ZNF618: variants seen among roughly 807,000 people sequenced by gnomAD.
ZNF618 encodes neural precursor cell expressed, developmentally down-regulated 10.
ZNF618 carries 34 observed loss-of-function variants against 103.0 expected under a neutral mutation model. The ratio of observed to expected loss-of-function variants is 0.33; its 90% CI spans 0.25 to 0.44. The LOEUF (loss-of-function observed/expected upper bound fraction) is 0.44, where lower values mean the gene tolerates loss of function less well. Among genes scored for constraint, ZNF618 ranks in the 20% least tolerant of loss-of-function variants. The pLI, the probability that ZNF618 is intolerant of heterozygous loss-of-function variation, is 1.00. For synonymous variants in ZNF618, 551 were observed against 542.2 expected (o/e 1.02, Z -0.23); for missense variants, 1,059 against 1,295.4 (o/e 0.82, Z 2.80).
chr9:114,032,440 C>A (rs1438142041), intron 11 of ZNF618, among the ~76,000 whole-genome samples: 1 of 151,956 alleles, frequency 6.6e-6, no homozygotes. Flanking sequence ...GCCTCCTGGG[C>A]CCTGCCAGGA....
intron 1 of ZNF618, among the ~76,000 whole-genome samples, chr9:113,955,502 G>A (rs1836195444): frequency 6.6e-6 from 1 of 151,746 alleles, no homozygotes; most frequent in South Asian, 2.1e-4. Flanking sequence ...ATACTATTTT[G>A]ATTTTGAAAA....
intron 1 of ZNF618, among the ~76,000 whole-genome samples, chr9:113,948,890 CT>C (rs1408686283): frequency 6.6e-6 from 1 of 152,200 alleles, no homozygotes. Flanking sequence ...CACTTACCAG[CT>C]TGGTGGGGAA....
intron 1 of ZNF618, among the ~76,000 whole-genome samples, chr9:113,967,983 G>A (rs1170536524): frequency 2.6e-5 from 4 of 151,934 alleles, no homozygotes; most frequent in South Asian, 2.1e-4. Context: ...ATCGAAGTCC[G>A]CCATCTGATT....
At chr9:113,994,469 G>A (rs982354740) in intron 3 of ZNF618, among the ~76,000 whole-genome samples, 3 of 152,242 alleles carry the variant, frequency 2.0e-5, no homozygotes, top group Non-Finnish European at 2.9e-5. Flanking sequence ...TCCTCTTGGG[G>A]TCTGAAGGGT....
chr9:113,994,112 G>C (rs1177875634), intron 3 of ZNF618, among the ~76,000 whole-genome samples: 1 of 152,206 alleles, frequency 6.6e-6, no homozygotes, highest in Non-Finnish European at 1.5e-5. Flanking sequence ...AGGTACAGAG[G>C]TGTTCTCACA....
chr9:113,951,423 G>GTGTGTGTATATATATACACACATATA lies in ZNF618; in HGVS notation c.34-17687_34-17686insATATATATACACACATATATGTGTGT. Among the ~76,000 whole-genome samples the GTGTGTGTATATATATACACACATATA allele has an allele frequency of 4.5e-4, 2 of 4,462 alleles. 1 individual carries two copies. The highest frequency in any genetic ancestry group is 1.9e-3 in the African/African-American group (2 of 1,056). The allele number at this position is 4,462 out of a possible 152,430, so 2.9% of individuals were successfully genotyped here. On this transcript the variant is annotated intron_variant, in intron 1 of 14. Transcript: ENST00000374126. ...TATACGTATATATACACACATATAT[G>GTGTGTGTATATATATACACACATATA]TGTGTGTGTATATATATACATATAT...
At chr9:113,982,931 T>G (rs1423291350) in intron 2 of ZNF618, among the ~76,000 whole-genome samples, 1 of 152,242 alleles carries the variant, frequency 6.6e-6, no homozygotes, top group Non-Finnish European at 1.5e-5. Context: ...TGACCACGGA[T>G]AGCAGGTACT....
chr9:114,020,574 A>T (rs1842986563), intron 10 of ZNF618, among the ~76,000 whole-genome samples: 1 of 152,062 alleles, frequency 6.6e-6, no homozygotes, highest in African/African-American at 2.4e-5. Context: ...TGACACTACC[A>T]TGACTTTTAA....
intron 1 of ZNF618, among the ~76,000 whole-genome samples, chr9:113,922,688 G>A (rs1832753132): frequency 6.6e-6 from 1 of 152,128 alleles, no homozygotes; most frequent in Non-Finnish European, 1.5e-5. Flanking sequence ...ACACTACACT[G>A]TCTTGTTTAC....
At chr9:113,957,672 C>T (rs7041279) in intron 1 of ZNF618, among the ~76,000 whole-genome samples, 7,767 of 152,240 alleles carry the variant, frequency 0.051, 236 homozygotes, top group African/African-American at 0.084. Flanking sequence ...CAGCCTCTTC[C>T]CCTACTGCCA....
chr9:113,962,041 C>G (rs1013470258), intron 1 of ZNF618, among the ~76,000 whole-genome samples: 1 of 152,190 alleles, frequency 6.6e-6, no homozygotes, highest in African/African-American at 2.4e-5. Context: ...AGCCCCTCCA[C>G]GTGCTTGGTT....
At chr9:113,929,507 G>A (rs917987449) in intron 1 of ZNF618, among the ~76,000 whole-genome samples, 1 of 152,226 alleles carries the variant, frequency 6.6e-6, no homozygotes, top group Non-Finnish European at 1.5e-5. Context: ...CCTGGTAGGT[G>A]TTGATGTTCT....
At position 114,054,574 on chromosome 9, in the gene ZNF618, TCCCCGCCAGCCCTGCTCCAGC is replaced by T. The variant is rs1588478041; in HGVS notation, c.*4413_*4433del. 1 of 152,740 alleles carries T rather than the reference TCCCCGCCAGCCCTGCTCCAGC, an allele frequency of 6.5e-6. No homozygotes were observed. The highest frequency in any genetic ancestry group is 2.4e-5 in the African/African-American group (1 of 41,428). 9.5% of individuals were successfully genotyped at this position (152,740 alleles called of 1,614,324 possible). A position where few individuals can be genotyped will look rare whatever the true frequency, so the allele number is the denominator to read the frequency against. ...AGCCAGTAGTAGGTGGGAGCTCCTG[TCCCCGCCAGCCCTGCTCCAGC>T]CCCCGTGTCCAGCTGGGCCAGTGGA... On this transcript the variant is annotated 3_prime_UTR_variant, in exon 15 of 15. Transcript: ENST00000374126.
intron 1 of ZNF618, among the ~76,000 whole-genome samples, chr9:113,914,816 T>A (rs1831915301): frequency 6.6e-6 from 1 of 152,180 alleles, no homozygotes; most frequent in Non-Finnish European, 1.5e-5. Flanking sequence ...TCTTTAAAAA[T>A]TCTGATGTCC....
Position 114,050,043 on chromosome 9 carries a change from C to T in ZNF618, c.2741C>T (p.Pro914Leu). 6.2e-7 allele frequency: 1 copy of T among 1,613,848 alleles called. No homozygotes were observed. The highest frequency in any genetic ancestry group is 8.5e-7 in the Non-Finnish European group (1 of 1,179,902). The change falls in exon 15 of 15, where the codon CCG becomes CTG. Residue 914 changes from proline to leucine, a missense_variant. This residue lies in a region of ZNF618 where 156 missense variants were observed against 197.1 expected (regional missense o/e 0.79). Transcript: ENST00000374126. The stretch of plus-strand genomic sequence containing the variant: ...CTCGCCTTCTGGCTCCTGGCGGTTC[C>T]GGCCGTGGGCGCCAGAAGCGGGTGT... ...AKLAFWLLAVPAVGARSGCVN... is the reference protein window; with the variant it reads ...AKLAFWLLAVLAVGARSGCVN...
intron 4 of ZNF618, among the ~76,000 whole-genome samples, chr9:114,000,700 G>A (rs1297641486): frequency 3.9e-5 from 6 of 152,172 alleles, no homozygotes; most frequent in African/African-American, 1.4e-4. Flanking sequence ...TCTGCTTCCA[G>A]GCAAGACAAA....
At chr9:113,973,421 C>T (rs1440350691) in intron 2 of ZNF618, among the ~76,000 whole-genome samples, 2 of 152,154 alleles carry the variant, frequency 1.3e-5, no homozygotes, top group African/African-American at 4.8e-5. Context: ...GGGCCTCTGG[C>T]TAAACCCCAA....
At position 114,055,708 on chromosome 9, in the gene ZNF618, T is replaced by TAA. The variant is rs201068018; in HGVS notation, c.*5553_*5554dup. 1.4e-4 allele frequency: 20 copies of TAA among 139,602 alleles called. No homozygotes were observed. The highest frequency in any genetic ancestry group is 8.2e-4 in the East Asian group (4 of 4,862). 8.6% of individuals were successfully genotyped at this position (139,602 alleles called of 1,614,324 possible). A position where few individuals can be genotyped will look rare whatever the true frequency, so the allele number is the denominator to read the frequency against. Reference sequence around the variant, plus strand: ...TGAGTGCAAGAAACTCAAGTCATCTTAAAAAAAAAAAAATACAAAAAAAAT... The same window carrying TAA: ...TGAGTGCAAGAAACTCAAGTCATCTTAAAAAAAAAAAAAAATACAAAAAAAAT... On this transcript the variant is annotated 3_prime_UTR_variant, in exon 15 of 15. Transcript: ENST00000374126.
chr9:113,908,499 AT>A (rs202235118), intron 1 of ZNF618, among the ~76,000 whole-genome samples: 131 of 151,488 alleles, frequency 8.6e-4, no homozygotes, highest in African/African-American at 2.5e-3. Flanking sequence ...TATGTTATAC[AT>A]TTTTTTTTGA....
Sources: gnomAD v4.1 joint callset for allele counts (sites outside exome capture counted in the v4.1 genomes callset) on GRCh38, gnomAD v4.1.1 for gene constraint, gnomAD v4.1.1 regional missense constraint, MANE v1.5 for transcripts, NCBI Gene and HGNC (gene_info 2026-07-23, HGNC 2026-07-21) for gene names.